CNTNAP2: variants seen among roughly 807,000 people sequenced by gnomAD.
CNTNAP2 encodes contactin associated protein 2.
In CNTNAP2, 98 loss-of-function variants were observed where a neutral mutation model predicts 155.2. The ratio of observed to expected loss-of-function variants is 0.63; its 90% CI spans 0.54 to 0.75. The LOEUF is 0.75. Among genes scored for constraint, CNTNAP2 ranks in the 30% least tolerant of loss-of-function variants. The pLI is 0.00. For missense variants in CNTNAP2, 1,727 were observed against 1,688.1 expected, an observed-to-expected ratio of 1.02 and a Z score of -0.40; for synonymous variants, 651 against 631.2, an observed-to-expected ratio of 1.03 and a Z score of -0.47.
chr7:146,855,829 A>G (rs748603227), intron 3 of CNTNAP2, among the ~76,000 whole-genome samples: 35,256 of 121,414 alleles, frequency 0.29, 5,194 homozygotes, highest in Admixed American at 0.39. Context: ...ATATATATAT[A>G]TATATATATA....
At position 148,347,925 on chromosome 7, in the gene CNTNAP2, C is replaced by T. The variant is rs555377461; in HGVS notation, c.3476-35724C>T. Among the ~76,000 whole-genome samples, 102 of 152,276 alleles carry T rather than the reference C, an allele frequency of 6.7e-4. No homozygotes were observed. The Middle Eastern group carries it at 0.01, about 15-fold the overall frequency. ...CTTGCTGCAAACATCCTGTAGTTCT[C>T]GTCAATTCAAACTCATCCCCAACTT... On this transcript the variant is annotated intron_variant, in intron 21 of 23. Transcript: ENST00000361727.
intron 8 of CNTNAP2, among the ~76,000 whole-genome samples, chr7:147,148,497 A>G (rs1424642550): frequency 3.9e-5 from 6 of 152,172 alleles, no homozygotes. Context: ...AAGTCCTATG[A>G]CTTGTAAATG....
At chr7:148,296,030 C>T (rs4726944) in intron 21 of CNTNAP2, among the ~76,000 whole-genome samples, 80,309 of 151,904 alleles carry the variant, frequency 0.53, 21,485 homozygotes, top group East Asian at 0.67. Flanking sequence ...CCTTGAAATT[C>T]TTATCAAGTA....
chr7:146,751,589 A>G (rs1419329259), intron 1 of CNTNAP2, among the ~76,000 whole-genome samples: 1 of 152,068 alleles, frequency 6.6e-6, no homozygotes, highest in East Asian at 1.9e-4. Context: ...ACATTTTATC[A>G]TGCTCTCTAA....
intron 14 of CNTNAP2, among the ~76,000 whole-genome samples, chr7:147,908,623 G>T (rs549005040): frequency 4.6e-4 from 70 of 152,260 alleles, no homozygotes; most frequent in African/African-American, 1.6e-3. Flanking sequence ...TTGCTGTTCA[G>T]TTTTTTTGTT....
At chr7:146,197,908 G>T (rs1456230732) in intron 1 of CNTNAP2, among the ~76,000 whole-genome samples, 1 of 152,096 alleles carries the variant, frequency 6.6e-6, no homozygotes, top group Non-Finnish European at 1.5e-5. Flanking sequence ...GTTCTGCATG[G>T]CTGGGTAGGT....
chr7:148,407,137 TTTA>T (rs1799720350), intron 22 of CNTNAP2, among the ~76,000 whole-genome samples: 1 of 30,328 alleles, frequency 3.3e-5, no homozygotes, highest in East Asian at 4.9e-4. Flanking sequence ...AGCCAAGGTT[TTTA>T]TTCAAGGTTT....
At chr7:146,576,093 T>C (rs1236610201) in intron 1 of CNTNAP2, among the ~76,000 whole-genome samples, 2 of 152,188 alleles carry the variant, frequency 1.3e-5, no homozygotes, top group Non-Finnish European at 2.9e-5. Context: ...AGTGAAGAAC[T>C]GTATACTGTC....
intron 4 of CNTNAP2, among the ~76,000 whole-genome samples, chr7:147,092,862 GTGAT>G (rs1800436274): frequency 6.6e-6 from 1 of 152,140 alleles, no homozygotes. Flanking sequence ...TCAGGAATGA[GTGAT>G]TGGCCTTTGT....
chr7:147,903,690 T>C lies in CNTNAP2; in HGVS notation c.2224T>C (p.Tyr742His), dbSNP rs1380573604. The change falls in exon 14 of 24, where the codon TAC becomes CAC. Residue 742 changes from tyrosine (Y) to histidine (H), a missense_variant. Physicochemically the swap from Tyr to His is moderately conservative, Grantham distance 83 (BLOSUM62 2). Transcript: ENST00000361727. ...ACGCAACTGCACAGATCCCAAGTAC[T>C]ACTGTAACTGCGACGCGGACTACAA... ...IERNCTDPKYYCNCDADYKQW... is the reference protein window; with the variant it reads ...IERNCTDPKYHCNCDADYKQW... 1 of 1,614,006 alleles carries C rather than the reference T, an allele frequency of 6.2e-7. No homozygotes were observed. The highest frequency in any genetic ancestry group is 8.5e-7 in the Non-Finnish European group (1 of 1,179,976).
At chr7:147,978,046 C>T (rs1801461456) in intron 15 of CNTNAP2, 57 bp downstream of exon 15, 1 of 1,605,956 alleles carries the variant, frequency 6.2e-7, no homozygotes, top group South Asian at 1.1e-5. Flanking sequence ...AATATTGTTT[C>T]CAGGCTCCTC....
At chr7:146,739,449 G>T (rs1359387151) in intron 1 of CNTNAP2, among the ~76,000 whole-genome samples, 1 of 151,700 alleles carries the variant, frequency 6.6e-6, no homozygotes, top group East Asian at 1.9e-4. Flanking sequence ...CCATGCATTT[G>T]TAAATTTTCT....
At chr7:146,842,121 A>G (rs1469575505) in intron 3 of CNTNAP2, among the ~76,000 whole-genome samples, 2 of 152,034 alleles carry the variant, frequency 1.3e-5, no homozygotes, top group African/African-American at 4.8e-5. Context: ...TCCTGACCTC[A>G]GGTGATCTAC....
At chr7:148,390,643 A>G (rs536458105) in intron 22 of CNTNAP2, among the ~76,000 whole-genome samples, 1 of 152,198 alleles carries the variant, frequency 6.6e-6, no homozygotes, top group Non-Finnish European at 1.5e-5. Context: ...GAAGACATCT[A>G]CCCATAGGTC....
chr7:147,421,289 A>AT (rs1797286816), intron 10 of CNTNAP2, among the ~76,000 whole-genome samples: 3 of 151,864 alleles, frequency 2.0e-5, no homozygotes, highest in Admixed American at 2.0e-4. Flanking sequence ...TATATATATA[A>AT]AAATATTGAA....
intron 16 of CNTNAP2, among the ~76,000 whole-genome samples, chr7:148,130,385 A>G (rs988409457): frequency 3.3e-5 from 5 of 152,070 alleles, no homozygotes; most frequent in Non-Finnish European, 7.4e-5. Flanking sequence ...AAATGTCTCT[A>G]CCTCCCAGGA....
chr7:147,866,596 G>A (rs1260997729), intron 13 of CNTNAP2, among the ~76,000 whole-genome samples: 1 of 152,040 alleles, frequency 6.6e-6, no homozygotes, highest in Non-Finnish European at 1.5e-5. Context: ...TGTGAATCTG[G>A]GTGCTCCTGT....
At chr7:148,388,726 CTGTT>C (rs936889232) in intron 22 of CNTNAP2, among the ~76,000 whole-genome samples, 1 of 152,150 alleles carries the variant, frequency 6.6e-6, no homozygotes, top group Non-Finnish European at 1.5e-5. Flanking sequence ...GTTGTCCTTT[CTGTT>C]TGTTAGTTTT....
rs1584904046 is a variant in CNTNAP2, at chr7:146,393,614, G to A, written c.97+276641G>A. Among the ~76,000 whole-genome samples the A allele has an allele frequency of 2.6e-5, 4 of 152,186 alleles. No individual in the cohort carries two copies. The South Asian group carries it at 8.3e-4, about 32-fold the overall frequency. ...CCCTAACTCAAGTTACTATAGGATG[G>A]GTAGATCCTCCACTGGAGCTGAAAG... On this transcript the variant is annotated intron_variant, in intron 1 of 23. Coordinates refer to ENST00000361727, the MANE Select transcript of CNTNAP2 (RefSeq NM_014141.6).
Sources: gnomAD v4.1 joint callset for allele counts (sites outside exome capture counted in the v4.1 genomes callset) on GRCh38, gnomAD v4.1.1 for gene constraint, MANE v1.5 for transcripts, NCBI Gene and HGNC (gene_info 2026-07-23, HGNC 2026-07-21) for gene names.